The following CBFA2T3 variants were observed in gnomAD, a reference collection of about 807,000 sequenced individuals.
The protein encoded by CBFA2T3 is transcriptional corepressor CBFA2T3.
CBFA2T3 carries 31 observed loss-of-function variants against 58.6 expected under a neutral mutation model. The observed-to-expected ratio is 0.53, with a 90% CI of 0.40 to 0.71. CBFA2T3 has a LOEUF of 0.71. CBFA2T3 is among the 30% of genes least tolerant of loss of function. The pLI is 0.00. For synonymous variants in CBFA2T3, 531 were observed against 421.9 expected (o/e 1.26, Z -3.17); for missense variants, 1,076 against 963.1 (o/e 1.12, Z -1.55).
At chr16:88,907,520 C>T (rs1414479312) in intron 1 of CBFA2T3, among the ~76,000 whole-genome samples, 1 of 151,714 alleles carries the variant, frequency 6.6e-6, no homozygotes, top group East Asian at 1.9e-4. Flanking sequence ...CTCACGGATT[C>T]TTCCGCGGCC....
chr16:88,917,716 G>A (rs901810116), intron 1 of CBFA2T3, among the ~76,000 whole-genome samples: 3 of 152,198 alleles, frequency 2.0e-5, no homozygotes, highest in Admixed American at 6.5e-5. Context: ...AGTCAAGAAT[G>A]TTTTCCCTGA....
In CBFA2T3 at chr16:88,928,340, AG is replaced by A. The variant is rs1971154211; in HGVS notation, c.152-26685del. On this transcript the variant is annotated intron_variant, in intron 1 of 11. Coordinates refer to ENST00000268679, the MANE Select transcript of CBFA2T3 (RefSeq NM_005187.6). ...TCCCTGGCCTTGGGGGCCGATGACCAGGTGGAGCGGGCCCGGTCTGTGAGGG... is the reference window on the plus strand; with the variant it reads ...TCCCTGGCCTTGGGGGCCGATGACCAGTGGAGCGGGCCCGGTCTGTGAGGG... 5.9e-5 allele frequency among the ~76,000 whole-genome samples: 9 copies of A among 152,296 alleles called. No individual in the cohort carries two copies. In the South Asian group the frequency reaches 1.9e-3, roughly 32 times the overall value.
Position 88,934,857 on chromosome 16 carries a change from A to G in CBFA2T3, c.152-33201T>C, listed in dbSNP as rs192183969. Among the ~76,000 whole-genome samples the G allele has an allele frequency of 8.5e-3, 1,296 of 152,266 alleles. 26 individuals are homozygous for G. Among genetic ancestry groups the G allele is most frequent in the African/African-American group, 0.029 (1,217 of 41,546 alleles). Reference sequence around the variant, plus strand: ...CGGGTTCACGCTATTCTCCTGCCTCAGCCTCCCCAGTAGCTGGGACTACAG... The same window carrying G: ...CGGGTTCACGCTATTCTCCTGCCTCGGCCTCCCCAGTAGCTGGGACTACAG... On this transcript the variant is annotated intron_variant, in intron 1 of 11. Coordinates refer to ENST00000268679, the MANE Select transcript of CBFA2T3 (RefSeq NM_005187.6).
Position 88,880,618 on chromosome 16 carries a change from CAGAG to C in CBFA2T3, c.1471+98_1471+101del. 5 of 976,844 alleles carry C rather than the reference CAGAG, an allele frequency of 5.1e-6. No individual in the cohort carries two copies. In the South Asian group the frequency reaches 7.2e-5, roughly 14 times the overall value. The allele number at this position is 976,844 out of a possible 1,614,324, so 60.5% of individuals were successfully genotyped here. On this transcript the variant is annotated intron_variant, in intron 10 of 11. Coordinates refer to ENST00000268679, the MANE Select transcript of CBFA2T3 (RefSeq NM_005187.6). The stretch of plus-strand genomic sequence containing the variant: ...CAGAAAGCCTTGTAGCCTGAGCCCC[CAGAG>C]AGAGACAGAAGCTCTTCAAAGCTGA...
chr16:88,886,010 C>G lies in CBFA2T3; in HGVS notation c.844G>C (p.Glu282Gln). The part of the protein sequence containing the change: ...ASASSPIDSS[E>Q]LLLEVNENGK... ...TTCTCGTTGACTTCCAGTAGCAGCT[C>G]TGAGGAGTCGATGGGGGAGGAGGCG... Residue 282 changes from glutamate (E) to glutamine (Q), a missense_variant, in exon 6 of 12, where the codon GAG becomes CAG. Coordinates refer to ENST00000268679, the MANE Select transcript of CBFA2T3 (RefSeq NM_005187.6). 6.4e-7 allele frequency: 1 copy of G among 1,561,070 alleles called. No individual in the cohort carries two copies. The highest frequency in any genetic ancestry group is 1.3e-5 in the African/African-American group (1 of 74,270).
At chr16:88,929,296 C>T (rs926101316) in intron 1 of CBFA2T3, among the ~76,000 whole-genome samples, 1 of 152,214 alleles carries the variant, frequency 6.6e-6, no homozygotes, top group Non-Finnish European at 1.5e-5. Flanking sequence ...CATCCATCAC[C>T]GGGGCCGGCA....
intron 1 of CBFA2T3, among the ~76,000 whole-genome samples, chr16:88,923,389 T>A (rs1970983537): frequency 6.6e-6 from 1 of 152,230 alleles, no homozygotes; most frequent in Non-Finnish European, 1.5e-5. Flanking sequence ...CCTTGAGGTT[T>A]CCTGAGCTGC....
At position 88,891,874 on chromosome 16, in the gene CBFA2T3, C is replaced by G. The variant is rs3743541; in HGVS notation, c.711+8G>C. The G allele has an allele frequency of 0.21, 342,160 of 1,596,832 alleles. 44,576 individuals are homozygous for G. The highest frequency in any genetic ancestry group is 0.59 in the African/African-American group (44,235 of 74,350). On this transcript the variant is annotated splice_region_variant and intron_variant, in intron 5 of 11. Transcript: ENST00000268679. ...CTCCCGCAGCACGGGGGACGGGTTTCGCATTACCTTCAGGAAGGGAATGAC... is the reference window on the plus strand; with the variant it reads ...CTCCCGCAGCACGGGGGACGGGTTTGGCATTACCTTCAGGAAGGGAATGAC...
At chr16:88,916,281 T>C (rs1015999325) in intron 1 of CBFA2T3, among the ~76,000 whole-genome samples, 6 of 151,422 alleles carry the variant, frequency 4.0e-5, no homozygotes, top group Admixed American at 3.3e-4. Context: ...TCTGTGTATA[T>C]GCACTTACAT....
chr16:88,876,175 T>G lies in CBFA2T3; in HGVS notation c.*801A>C. The G allele has an allele frequency of 4.3e-6, 1 of 232,184 alleles. No individual in the cohort carries two copies. Among genetic ancestry groups the G allele is most frequent in the Non-Finnish European group, 8.5e-6 (1 of 117,174 alleles). 14.4% of individuals were successfully genotyped at this position (232,184 alleles called of 1,614,324 possible). A position where few individuals can be genotyped will look rare whatever the true frequency, so the allele number is the denominator to read the frequency against. On this transcript the variant is annotated 3_prime_UTR_variant, in exon 12 of 12. Coordinates refer to ENST00000268679, the MANE Select transcript of CBFA2T3 (RefSeq NM_005187.6). ...TTTTGGATTTCCTTTGGAGCAGAGG[T>G]GTGTCCGGTATCCTTGGCTGGCTAG...
rs143019569 is a variant in CBFA2T3, at chr16:88,921,799, C to T, written c.152-20143G>A. On this transcript the variant is annotated intron_variant, in intron 1 of 11. Transcript: ENST00000268679. Reference sequence around the variant, plus strand: ...GCTCCCTCATTTGAAGTTGCTTCCTCGGCGGCACCTGGGACGCCCCCCATA... The same window carrying T: ...GCTCCCTCATTTGAAGTTGCTTCCTTGGCGGCACCTGGGACGCCCCCCATA... Among the ~76,000 whole-genome samples the T allele has an allele frequency of 3.1e-4, 47 of 152,368 alleles. No individual in the cohort carries two copies. In the East Asian group the frequency reaches 6.0e-3, roughly 19 times the overall value.
At chr16:88,923,221 T>C (rs1970978405) in intron 1 of CBFA2T3, among the ~76,000 whole-genome samples, 1 of 151,902 alleles carries the variant, frequency 6.6e-6, no homozygotes, top group Non-Finnish European at 1.5e-5. Flanking sequence ...TGTGGGCGAG[T>C]CCCCTGGCCT....
intron 1 of CBFA2T3, among the ~76,000 whole-genome samples, chr16:88,927,954 C>G (rs1214314228): frequency 1.3e-5 from 2 of 152,212 alleles, no homozygotes; most frequent in Non-Finnish European, 2.9e-5. Flanking sequence ...GGGGCGTCCT[C>G]TGAAGTGGGA....
intron 1 of CBFA2T3, among the ~76,000 whole-genome samples, chr16:88,915,808 C>CG (rs1369118288): frequency 6.6e-6 from 1 of 151,290 alleles, no homozygotes; most frequent in East Asian, 1.9e-4. Context: ...ACAGGGTGGG[C>CG]GGGCGCCCTG....
chr16:88,903,251 G>T (rs559259957), intron 1 of CBFA2T3, among the ~76,000 whole-genome samples: 1 of 152,196 alleles, frequency 6.6e-6, no homozygotes, highest in African/African-American at 2.4e-5. Context: ...TCTTGCCGCC[G>T]GCTCCTTTTA....
chr16:88,896,225 G>T (rs191394387), intron 3 of CBFA2T3, among the ~76,000 whole-genome samples: 7 of 152,274 alleles, frequency 4.6e-5, no homozygotes, highest in Admixed American at 2.0e-4. Flanking sequence ...TTTCCCTACG[G>T]GGGGGCTGCA....
intron 3 of CBFA2T3, among the ~76,000 whole-genome samples, chr16:88,896,332 G>C (rs1969886272): frequency 6.6e-6 from 1 of 152,234 alleles, no homozygotes; most frequent in African/African-American, 2.4e-5. Flanking sequence ...GGGGTAGCCT[G>C]TCTGCGCCCC....
intron 8 of CBFA2T3, 78 bp downstream of exon 8, chr16:88,882,598 G>T: frequency 1.2e-6 from 1 of 827,204 alleles, no homozygotes; most frequent in Non-Finnish European, 2.0e-6. Context: ...GTGCATGGCT[G>T]TGTGTGCGTG....
intron 2 of CBFA2T3, among the ~76,000 whole-genome samples, chr16:88,898,364 C>T (rs1303659712): frequency 1.3e-5 from 2 of 152,166 alleles, no homozygotes; most frequent in Non-Finnish European, 2.9e-5. Flanking sequence ...GGAGACTCTG[C>T]CCTCAGGGAC....
Sources: gnomAD v4.1 joint callset for allele counts (sites outside exome capture counted in the v4.1 genomes callset) on GRCh38, gnomAD v4.1.1 for gene constraint, MANE v1.5 for transcripts, NCBI Gene and HGNC (gene_info 2026-07-23, HGNC 2026-07-21) for gene names.